SLC6A3: variants seen among roughly 807,000 people sequenced by gnomAD.
The protein encoded by SLC6A3 is sodium-dependent dopamine transporter.
SLC6A3 carries 19 observed loss-of-function variants against 70.4 expected under a neutral mutation model. The ratio of observed to expected loss-of-function variants is 0.27; its 90% CI spans 0.19 to 0.40. The LOEUF is 0.40. Among genes scored for constraint, SLC6A3 ranks in the 10% least tolerant of loss-of-function variants. The pLI is 1.00. For missense variants in SLC6A3, 613 were observed against 838.5 expected, an observed-to-expected ratio of 0.73 and a Z score of 3.32; for synonymous variants, 368 against 356.6, an observed-to-expected ratio of 1.03 and a Z score of -0.36.
In SLC6A3 at chr5:1,414,484, T is replaced by C. The variant is rs183125; in HGVS notation, c.1156+207A>G. On this transcript the variant is annotated intron_variant, in intron 8 of 14. Transcript: ENST00000270349. ...CGGGGAAGGCGCTGGGTGGGGGGCC[T>C]GGAGGGTCAGGGCGGGGAAGGCGCT... Among the ~76,000 whole-genome samples, 2 of 21,454 alleles carry C rather than the reference T, an allele frequency of 9.3e-5. 1 individual carries two copies. Among genetic ancestry groups the C allele is most frequent in the Non-Finnish European group, 1.8e-4 (2 of 10,952 alleles). 14.1% of individuals were successfully genotyped at this position (21,454 alleles called of 152,430 possible).
intron 3 of SLC6A3, 107 bp from the exon 4 acceptor site, chr5:1,432,805 A>T: frequency 2.5e-6 from 2 of 792,732 alleles, no homozygotes; most frequent in Admixed American, 2.0e-5. Flanking sequence ...CCCTGAGCCC[A>T]CAACTCCTGG....
rs28363085 is a variant in SLC6A3, at chr5:1,413,452, G to A, written c.1156+1239C>T. Among the ~76,000 whole-genome samples the A allele has an allele frequency of 1.9e-3, 292 of 152,300 alleles. No homozygotes were observed. The highest frequency in any genetic ancestry group is 0.01 in the East Asian group (53 of 5,184). ...GTGCCCCACTCTGTGAGACTCAGGT[G>A]CGGTCAAGGCTGCCCCCGCTTGGTG... On this transcript the variant is annotated intron_variant, in intron 8 of 14. Transcript: ENST00000270349. This position sits in a 1 kb window ranked among gnomAD's most constrained non-coding sequence, Gnocchi z 7.1.
At chr5:1,430,642 C>T (rs1756677219) in intron 4 of SLC6A3, among the ~76,000 whole-genome samples, 1 of 152,186 alleles carries the variant, frequency 6.6e-6, no homozygotes, top group Non-Finnish European at 1.5e-5. Flanking sequence ...CCCTTCCTTG[C>T]AGGAAAAGAC....
intron 14 of SLC6A3, among the ~76,000 whole-genome samples, chr5:1,395,434 C>T (rs544148406): frequency 6.6e-5 from 10 of 152,318 alleles, no homozygotes; most frequent in South Asian, 2.1e-4. Context: ...CAGGGGCATG[C>T]GGGGCTTGCT....
chr5:1,396,377 G>A lies in SLC6A3; in HGVS notation c.1840-1619C>T, dbSNP rs141857374. 1.0e-3 allele frequency among the ~76,000 whole-genome samples: 157 copies of A among 152,322 alleles called. No homozygotes were observed. Among genetic ancestry groups the A allele is most frequent in the African/African-American group, 3.2e-3 (135 of 41,568 alleles). On this transcript the variant is annotated intron_variant, in intron 14 of 14. Transcript: ENST00000270349. The surrounding 1 kb of genome is among the most constrained non-coding windows in gnomAD (Gnocchi z 7.0). ...CCTTCCAGACCATGGACACCAGACC[G>A]TAAGGGTCAGTGGTCCCTGAGGGAA...
chr5:1,401,105 C>A lies in SLC6A3; in HGVS notation c.1768-119G>T. 1.3e-6 allele frequency: 1 copy of A among 760,554 alleles called. No homozygotes were observed. Among genetic ancestry groups the A allele is most frequent in the Non-Finnish European group, 2.3e-6 (1 of 431,862 alleles). 47.1% of individuals were successfully genotyped at this position (760,554 alleles called of 1,614,324 possible). A position where few individuals can be genotyped will look rare whatever the true frequency, so the allele number is the denominator to read the frequency against. Reference sequence around the variant, plus strand: ...GCACCCTCACCACCAGCCCTCCTCACCTGCCAATGCCCACCCGCTGGCATC... The same window carrying A: ...GCACCCTCACCACCAGCCCTCCTCAACTGCCAATGCCCACCCGCTGGCATC... On this transcript the variant is annotated intron_variant, in intron 13 of 14. Coordinates refer to ENST00000270349, the MANE Select transcript of SLC6A3 (RefSeq NM_001044.5). This position sits in a 1 kb window ranked among gnomAD's most constrained non-coding sequence, Gnocchi z 6.1.
intron 6 of SLC6A3, chr5:1,416,565 G>GAGCC: frequency 2.6e-6 from 1 of 379,800 alleles, no homozygotes; most frequent in Non-Finnish European, 5.0e-6. Context: ...CCTCGGAACA[G>GAGCC]CACGGCCTCA....
chr5:1,423,417 C>T (rs983082324), intron 4 of SLC6A3, among the ~76,000 whole-genome samples: 1 of 152,212 alleles, frequency 6.6e-6, no homozygotes, highest in African/African-American at 2.4e-5. Context: ...GGGATGAGGC[C>T]GAGCAAACTC....
At chr5:1,410,317 C>T (rs1756086109) in intron 9 of SLC6A3, among the ~76,000 whole-genome samples, 1 of 152,202 alleles carries the variant, frequency 6.6e-6, no homozygotes, top group Non-Finnish European at 1.5e-5. Context: ...CACCTGACTC[C>T]TGCTTAGTGA....
Position 1,402,892 on chromosome 5 carries a change from C to G in SLC6A3, c.1767+30G>C. 6.2e-7 allele frequency: 1 copy of G among 1,609,836 alleles called. No homozygotes were observed. On this transcript the variant is annotated intron_variant, in intron 13 of 14. Transcript: ENST00000270349. This position sits in a 1 kb window ranked among gnomAD's most constrained non-coding sequence, Gnocchi z 8.5. The stretch of plus-strand genomic sequence containing the variant: ...GGAGCCTTTCTGGTGGCCTCACACT[C>G]GGGTGAAGGCGCCCCGTCCAAATAC...
chr5:1,420,671 C>A lies in SLC6A3; in HGVS notation c.825G>T (p.Val275=), dbSNP rs1371540478. The A allele has an allele frequency of 1.6e-5, 26 of 1,613,466 alleles. No homozygotes were observed. The highest frequency in any genetic ancestry group is 2.1e-5 in the Non-Finnish European group (25 of 1,179,944). ...VVWITATMPY[V]VLTALLLRGV... ...CACGCAGGAGCAGGGCAGTGAGGAC[C>A]ACGTATGGCATGGTGGCTGTGATCC... Residue 275 remains valine, a synonymous_variant, in exon 6 of 15, where the codon GTG becomes GTT. Coordinates refer to ENST00000270349, the MANE Select transcript of SLC6A3 (RefSeq NM_001044.5).
In SLC6A3 at chr5:1,405,410, T is replaced by C. The variant is rs2126329967; in HGVS notation, c.1599+778A>G. Among the ~76,000 whole-genome samples the C allele has an allele frequency of 6.6e-6, 1 of 152,340 alleles. No homozygotes were observed. Among genetic ancestry groups the C allele is most frequent in the East Asian group, 1.9e-4 (1 of 5,182 alleles). On this transcript the variant is annotated intron_variant, in intron 12 of 14. Coordinates refer to ENST00000270349, the MANE Select transcript of SLC6A3 (RefSeq NM_001044.5). This position sits in a 1 kb window ranked among gnomAD's most constrained non-coding sequence, Gnocchi z 5.3. Reference sequence around the variant, plus strand: ...CCTTGGTCCATGAGAGGGTGCGGCCTGAGTCCCCTGCCCTGTTCCAGTCCC... The same window carrying C: ...CCTTGGTCCATGAGAGGGTGCGGCCCGAGTCCCCTGCCCTGTTCCAGTCCC...
intron 14 of SLC6A3, among the ~76,000 whole-genome samples, chr5:1,395,201 G>A (rs549932069): frequency 2.0e-5 from 3 of 152,144 alleles, no homozygotes; most frequent in Admixed American, 1.3e-4. Flanking sequence ...TGAGTGACAC[G>A]CTACCTCTGC....
At chr5:1,445,033 C>G (rs1733768814) in intron 1 of SLC6A3, among the ~76,000 whole-genome samples, 1 of 152,186 alleles carries the variant, frequency 6.6e-6, no homozygotes. Flanking sequence ...AACCAGGACC[C>G]CCGAGTCACA....
At chr5:1,433,159 C>A (rs1756748027) in intron 3 of SLC6A3, among the ~76,000 whole-genome samples, 1 of 152,090 alleles carries the variant, frequency 6.6e-6, no homozygotes, top group Non-Finnish European at 1.5e-5. Flanking sequence ...CTGGGTGACC[C>A]AGGGCAACCC....
intron 4 of SLC6A3, among the ~76,000 whole-genome samples, chr5:1,423,560 C>T (rs1442751487): frequency 6.6e-6 from 1 of 152,258 alleles, no homozygotes; most frequent in Non-Finnish European, 1.5e-5. Context: ...TCTGCTCCAG[C>T]AGGAATCACT....
Position 1,411,282 on chromosome 5 carries a change from G to A in SLC6A3, c.1230C>T (p.Val410=). The change falls in exon 9 of 15, where the codon GTC becomes GTT. Residue 410 remains valine, a synonymous_variant. Transcript: ENST00000270349. This position sits in a 1 kb window ranked among gnomAD's most constrained non-coding sequence, Gnocchi z 6.5. ...CCAGGGTGAGCAGCATGATGAAGAA[G>A]ACCACGGCCCAGGCTGAGGACAGAG... ...TLPLSSAWAV[V]FFIMLLTLGI... 6.4e-7 allele frequency: 1 copy of A among 1,554,692 alleles called. No homozygotes were observed. Among genetic ancestry groups the A allele is most frequent in the Non-Finnish European group, 8.7e-7 (1 of 1,148,926 alleles).
rs536401576 is a variant in SLC6A3, at chr5:1,402,140, G to A, written c.1767+782C>T. 2.0e-5 allele frequency among the ~76,000 whole-genome samples: 3 copies of A among 152,268 alleles called. No individual in the cohort carries two copies. The South Asian group carries it at 6.2e-4, about 32-fold the overall frequency. On this transcript the variant is annotated intron_variant, in intron 13 of 14. Transcript: ENST00000270349. This position sits in a 1 kb window ranked among gnomAD's most constrained non-coding sequence, Gnocchi z 8.5. ...CTGCTCTGGGGTTTTGATGCCCAGG[G>A]CCAAGCGACTTCTTTCTGAGAAAGG...
chr5:1,420,663 G>A lies in SLC6A3; in HGVS notation c.833C>T (p.Thr278Ile), dbSNP rs759400606. 2 of 1,613,670 alleles carry A rather than the reference G, an allele frequency of 1.2e-6. No homozygotes were observed. The highest frequency in any genetic ancestry group is 1.7e-6 in the Non-Finnish European group (2 of 1,179,950). Residue 278 changes from threonine to isoleucine, a missense_variant, in exon 6 of 15, where the codon ACT becomes ATT. Physicochemically the swap from Thr to Ile is moderately conservative, Grantham distance 89. Around this residue, in one of 4 missense-constraint regions of SLC6A3, gnomAD observed 348 missense variants for 481.2 expected, o/e 0.72. Transcript: ENST00000270349. ...ITATMPYVVL[T>I]ALLLRGVTLP... ...GGTGACCCCACGCAGGAGCAGGGCA[G>A]TGAGGACCACGTATGGCATGGTGGC...
Sources: allele counts gnomAD v4.1 joint callset (sites outside exome capture counted in the v4.1 genomes callset), GRCh38; gene constraint gnomAD v4.1.1; regional missense constraint gnomAD v4.1.1; non-coding constraint Gnocchi (gnomAD v3.1); transcripts MANE v1.5; gene names NCBI Gene and HGNC (gene_info 2026-07-23, HGNC 2026-07-21).